The following FHIP1A variants were observed in gnomAD, a reference collection of about 807,000 sequenced individuals.
FHIP1A encodes FHF complex subunit HOOK-interacting protein 1A.
FHIP1A carries 61 observed loss-of-function variants against 88.6 expected under a neutral mutation model. The ratio of observed to expected loss-of-function variants is 0.69; its 90% CI spans 0.56 to 0.85. The LOEUF (loss-of-function observed/expected upper bound fraction) is 0.85, where lower values mean the gene tolerates loss of function less well. Ranked by LOEUF, FHIP1A falls within the 40% of genes least tolerant of loss-of-function variation. The pLI is 0.00. For missense variants in FHIP1A, 1,154 were observed against 1,273.5 expected (o/e 0.91, Z 1.43); for synonymous variants, 478 against 496.0 (o/e 0.96, Z 0.48).
At chr4:151,444,367 A>G (rs1171500363) in intron 1 of FHIP1A, among the ~76,000 whole-genome samples, 2 of 152,148 alleles carry the variant, frequency 1.3e-5, no homozygotes, top group African/African-American at 4.8e-5. Context: ...TGAGACATAT[A>G]CATATAAAAG....
At chr4:151,520,888 C>T (rs1397361137) in intron 3 of FHIP1A, among the ~76,000 whole-genome samples, 1 of 152,166 alleles carries the variant, frequency 6.6e-6, no homozygotes, top group Non-Finnish European at 1.5e-5. Context: ...ACTTAGTGTT[C>T]TCCATGGGTT....
At chr4:151,484,740 CA>C (rs1730018351) in intron 3 of FHIP1A, among the ~76,000 whole-genome samples, 1 of 152,140 alleles carries the variant, frequency 6.6e-6, no homozygotes, top group Non-Finnish European at 1.5e-5. Flanking sequence ...AACAGTGAGA[CA>C]AATAGCAGGT....
chr4:151,522,285 C>T (rs1376467264), intron 3 of FHIP1A, among the ~76,000 whole-genome samples: 4 of 152,186 alleles, frequency 2.6e-5, no homozygotes, highest in Non-Finnish European at 5.9e-5. Flanking sequence ...CCACTCTAAC[C>T]GACTTTAATC....
chr4:151,418,861 T>A (rs1733003062), intron 1 of FHIP1A, among the ~76,000 whole-genome samples: 1 of 152,228 alleles, frequency 6.6e-6, no homozygotes, highest in Admixed American at 6.5e-5. Flanking sequence ...GATCTGCCTC[T>A]TATTATTATA....
intron 4 of FHIP1A, among the ~76,000 whole-genome samples, chr4:151,574,911 ATTT>A (rs33979082): frequency 0.32 from 48,290 of 150,666 alleles, 7,689 homozygotes; most frequent in Middle Eastern, 0.33. Context: ...AGTCAATAGT[ATTT>A]TTTTTTTCAT....
rs1280618715 is a variant in FHIP1A at position 151,662,761 on chromosome 4, T to TTA, written c.*8_*9insAT. 1 of 1,475,078 alleles carries TTA rather than the reference T, an allele frequency of 6.8e-7. No individual in the cohort carries two copies. The highest frequency in any genetic ancestry group is 3.0e-5 in the Admixed American group (1 of 33,870). 91.4% of individuals were successfully genotyped at this position (1,475,078 alleles called of 1,614,324 possible). A position where few individuals can be genotyped will look rare whatever the true frequency, so the allele number is the denominator to read the frequency against. ...TGAGGACTCCTGCTGTTAGCTTTTT[T>TTA]TTTTTTTTTTAATAGAGGTTCTTGT... On this transcript the variant is annotated 3_prime_UTR_variant, in exon 14 of 14. Transcript: ENST00000435205.
chr4:151,487,714 A>G (rs1033980312), intron 3 of FHIP1A, among the ~76,000 whole-genome samples: 1 of 152,244 alleles, frequency 6.6e-6, no homozygotes, highest in African/African-American at 2.4e-5. Context: ...ATTCCTTACA[A>G]AATCCTTTGA....
intron 3 of FHIP1A, among the ~76,000 whole-genome samples, chr4:151,562,067 T>TA (rs1051306809): frequency 2.0e-5 from 3 of 152,180 alleles, no homozygotes; most frequent in African/African-American, 7.2e-5. Flanking sequence ...ACTCAAGGTT[T>TA]CACAGCTGGT....
intron 2 of FHIP1A, among the ~76,000 whole-genome samples, chr4:151,478,383 C>T (rs1321104606): frequency 2.0e-5 from 3 of 152,110 alleles, no homozygotes; most frequent in Non-Finnish European, 2.9e-5. Flanking sequence ...TAGCACATGC[C>T]TTGCTGTTAG....
chr4:151,415,345 T>G (rs1732849885), intron 1 of FHIP1A, among the ~76,000 whole-genome samples: 3 of 151,832 alleles, frequency 2.0e-5, no homozygotes, highest in South Asian at 4.2e-4. Flanking sequence ...CATCACCATG[T>G]CTGGCTAATT....
intron 3 of FHIP1A, among the ~76,000 whole-genome samples, chr4:151,514,024 A>C (rs9968409): frequency 0.67 from 99,990 of 149,830 alleles, 35,228 homozygotes; most frequent in African/African-American, 0.92. Flanking sequence ...CACACCACAC[A>C]TATTCCAAAA....
chr4:151,470,442 T>C (rs1004179544), intron 2 of FHIP1A, among the ~76,000 whole-genome samples: 1 of 152,154 alleles, frequency 6.6e-6, no homozygotes, highest in African/African-American at 2.4e-5. Flanking sequence ...TTTACTTCAG[T>C]GGGGTCACTG....
At chr4:151,457,859 CT>C (rs1729019487) in intron 2 of FHIP1A, among the ~76,000 whole-genome samples, 3 of 152,166 alleles carry the variant, frequency 2.0e-5, no homozygotes, top group African/African-American at 7.2e-5. Context: ...CTGGAAAATA[CT>C]TCTATCTCCA....
At chr4:151,576,510 C>T (rs1183169580) in intron 4 of FHIP1A, among the ~76,000 whole-genome samples, 1 of 152,066 alleles carries the variant, frequency 6.6e-6, no homozygotes, top group Non-Finnish European at 1.5e-5. Context: ...CACTATTTTG[C>T]TCAGGCTGGT....
intron 7 of FHIP1A, among the ~76,000 whole-genome samples, chr4:151,626,353 G>A (rs1735951338): frequency 6.6e-6 from 1 of 152,194 alleles, no homozygotes; most frequent in African/African-American, 2.4e-5. Flanking sequence ...ATAGGAGTGT[G>A]GAGAAGATGG....
In FHIP1A at chr4:151,667,106, G is replaced by C. The variant is rs567941255; in HGVS notation, c.*4352G>C. 2.0e-5 allele frequency: 3 copies of C among 152,194 alleles called. No individual in the cohort carries two copies. The highest frequency in any genetic ancestry group is 4.4e-5 in the Non-Finnish European group (3 of 68,040). The allele number at this position is 152,194 out of a possible 1,614,324, so 9.4% of individuals were successfully genotyped here. A position where few individuals can be genotyped will look rare whatever the true frequency, so the allele number is the denominator to read the frequency against. On this transcript the variant is annotated 3_prime_UTR_variant, in exon 14 of 14. Transcript: ENST00000435205. Reference sequence around the variant, plus strand: ...ATTGCACGTGCTACTTCAAGTCACTGGCTCAGGCTGGTGTCATGTGTGGTT... The same window carrying C: ...ATTGCACGTGCTACTTCAAGTCACTCGCTCAGGCTGGTGTCATGTGTGGTT...
chr4:151,564,383 G>T (rs1373467382), intron 3 of FHIP1A, among the ~76,000 whole-genome samples: 1 of 152,112 alleles, frequency 6.6e-6, no homozygotes, highest in Non-Finnish European at 1.5e-5. Flanking sequence ...TCAGAATCTT[G>T]TTTTATCTCT....
intron 3 of FHIP1A, among the ~76,000 whole-genome samples, chr4:151,527,388 G>T (rs1407517321): frequency 1.3e-5 from 2 of 152,254 alleles, no homozygotes; most frequent in Non-Finnish European, 2.9e-5. Flanking sequence ...GTCAGGCGTG[G>T]CGGCGCACAC....
In FHIP1A at chr4:151,424,191, G is replaced by A. The variant is rs569095177; in HGVS notation, c.-356+14726G>A. ...CTTCATTTAAATTTTCAAAATCCCC[G>A]GAATGGTTCTGGTTGGCCTAACTTG... On this transcript the variant is annotated intron_variant, in intron 1 of 13. Coordinates refer to ENST00000435205, the MANE Select transcript of FHIP1A (RefSeq NM_001109977.3). 3.3e-5 allele frequency among the ~76,000 whole-genome samples: 5 copies of A among 152,212 alleles called. No homozygotes were observed. In the South Asian group the frequency reaches 6.2e-4, roughly 19 times the overall value.
Sources: allele counts gnomAD v4.1 joint callset (sites outside exome capture counted in the v4.1 genomes callset), GRCh38; gene constraint gnomAD v4.1.1; transcripts MANE v1.5; gene names NCBI Gene and HGNC (gene_info 2026-07-23, HGNC 2026-07-21).